The following CTNNA2 variants were observed in gnomAD, a reference collection of about 807,000 sequenced individuals.
CTNNA2 encodes catenin alpha-2.
Under a neutral mutation model 101.0 loss-of-function variants are expected in CTNNA2, and 42 were observed. The ratio of observed to expected loss-of-function variants is 0.42; its 90% confidence interval spans 0.32 to 0.54. CTNNA2 has a LOEUF of 0.54. Ranked by LOEUF, CTNNA2 falls within the 20% of genes least tolerant of loss-of-function variation. The probability of loss-of-function intolerance (pLI) is 0.14; values close to 1 mark genes in which losing one functional copy is unlikely to be tolerated. For missense variants in CTNNA2, 871 were observed against 1,223.1 expected (o/e 0.71, Z 4.29); for synonymous variants, 450 against 456.4 (o/e 0.99, Z 0.18).
chr2:80,060,497 AC>A (rs1229688233), intron 7 of CTNNA2, among the ~76,000 whole-genome samples: 1 of 152,084 alleles, frequency 6.6e-6, no homozygotes, highest in Non-Finnish European at 1.5e-5. Context: ...CCTATTTCTT[AC>A]CATATAAACC....
chr2:80,161,150 G>GA (rs1704291038), intron 7 of CTNNA2, among the ~76,000 whole-genome samples: 1 of 152,054 alleles, frequency 6.6e-6, no homozygotes, highest in Non-Finnish European at 1.5e-5. Flanking sequence ...GGAGTAGCTA[G>GA]AATTACAGGC....
rs376726188 is a variant in CTNNA2 at position 80,456,654 on chromosome 2, C to T, written c.1290+37053C>T. On this transcript the variant is annotated intron_variant, in intron 9 of 18. Transcript: ENST00000402739. ...TGCAAGTTAGGCCCACATTGAAAAC[C>T]CAGGCAATGCATTTTAGCTACATGG... Among the ~76,000 whole-genome samples, 18 of 152,262 alleles carry T rather than the reference C, an allele frequency of 1.2e-4. No individual in the cohort carries two copies. The East Asian group carries it at 2.9e-3, about 25-fold the overall frequency.
At chr2:79,187,235 T>TTTTTCTTTTCTTTTCTTTTC (rs772642908) in intron 1 of CTNNA2, among the ~76,000 whole-genome samples, 1 of 123,412 alleles carries the variant, frequency 8.1e-6, no homozygotes, top group African/African-American at 3.5e-5. Flanking sequence ...AAGACACTTC[T>TTTTTCTTTTCTTTTCTTTTC]TTTTCTTTTC....
At chr2:79,305,907 A>T (rs1676229673) in intron 2 of CTNNA2, among the ~76,000 whole-genome samples, 1 of 152,078 alleles carries the variant, frequency 6.6e-6, no homozygotes. Context: ...TTAGCTGGGC[A>T]TGGTGGCGGG....
intron 7 of CTNNA2, among the ~76,000 whole-genome samples, chr2:80,208,061 T>G (rs1259062124): frequency 6.6e-6 from 1 of 152,168 alleles, no homozygotes; most frequent in East Asian, 1.9e-4. Context: ...AAGTCAGATG[T>G]GTTTCCAGAA....
At chr2:79,369,253 C>T (rs1257185668) in intron 3 of CTNNA2, among the ~76,000 whole-genome samples, 1 of 152,158 alleles carries the variant, frequency 6.6e-6, no homozygotes, top group African/African-American at 2.4e-5. Context: ...TTCAGCATTT[C>T]CTGGGGAGAA....
intron 2 of CTNNA2, among the ~76,000 whole-genome samples, chr2:79,219,782 G>C (rs1437544734): frequency 6.6e-6 from 1 of 152,200 alleles, no homozygotes; most frequent in Admixed American, 6.5e-5. Flanking sequence ...AGGAGAAACA[G>C]TGAGTGCCTG....
intron 7 of CTNNA2, among the ~76,000 whole-genome samples, chr2:80,250,055 T>C (rs1456410015): frequency 6.6e-6 from 1 of 152,068 alleles, no homozygotes; most frequent in Admixed American, 6.5e-5. Context: ...CATTTGCTTC[T>C]TGTTTCTTTG....
chr2:80,570,024 T>C (rs1220997433), intron 12 of CTNNA2, among the ~76,000 whole-genome samples: 2 of 151,988 alleles, frequency 1.3e-5, no homozygotes, highest in African/African-American at 4.8e-5. Flanking sequence ...GGGTCATTGT[T>C]CTATAAACTT....
intron 1 of CTNNA2, among the ~76,000 whole-genome samples, chr2:79,628,605 T>C (rs1180047462): frequency 6.6e-6 from 1 of 152,238 alleles, no homozygotes; most frequent in African/African-American, 2.4e-5. Flanking sequence ...TGAATTATTT[T>C]TTGCTCCATA....
chr2:80,126,475 C>T (rs927774652), intron 7 of CTNNA2, among the ~76,000 whole-genome samples: 1 of 151,966 alleles, frequency 6.6e-6, no homozygotes, highest in Non-Finnish European at 1.5e-5. Flanking sequence ...CTCTCTCTCT[C>T]TCTCTGTCTT....
chr2:80,435,040 A>T (rs989627985), intron 9 of CTNNA2, among the ~76,000 whole-genome samples: 1 of 152,116 alleles, frequency 6.6e-6, no homozygotes, highest in African/African-American at 2.4e-5. Context: ...CTTTGTTGTG[A>T]AGGGTTGTCT....
At chr2:79,536,699 T>TTCTTTTCTTTTCTTC (rs1286083024) in intron 1 of CTNNA2, among the ~76,000 whole-genome samples, 1 of 151,180 alleles carries the variant, frequency 6.6e-6, no homozygotes, top group Non-Finnish European at 1.5e-5. Context: ...TTCTTTTCTT[T>TTCTTTTCTTTTCTTC]TCTTTTCTTT....
At chr2:79,492,655 A>T (rs1256139662) in intron 4 of CTNNA2, among the ~76,000 whole-genome samples, 1 of 152,136 alleles carries the variant, frequency 6.6e-6, no homozygotes, top group African/African-American at 2.4e-5. Context: ...CAAACATATA[A>T]AGAAGTATTA....
intron 7 of CTNNA2, among the ~76,000 whole-genome samples, chr2:80,020,487 A>G (rs1694480583): frequency 6.6e-6 from 1 of 152,186 alleles, no homozygotes; most frequent in African/African-American, 2.4e-5. Flanking sequence ...TTTTCAGTGC[A>G]CCCAGAAATG....
intron 7 of CTNNA2, among the ~76,000 whole-genome samples, chr2:80,130,544 G>T (rs1002571833): frequency 6.6e-6 from 1 of 152,140 alleles, no homozygotes; most frequent in Admixed American, 6.6e-5. Flanking sequence ...TTAGTAAAAA[G>T]ATGCAAGTTA....
intron 4 of CTNNA2, among the ~76,000 whole-genome samples, chr2:79,411,986 G>A (rs766227513): frequency 2.0e-5 from 3 of 152,066 alleles, no homozygotes; most frequent in Non-Finnish European, 4.4e-5. Context: ...TCAGTGTGCT[G>A]TATTCAGGAA....
At chr2:79,374,511 T>C (rs1677942144) in intron 4 of CTNNA2, among the ~76,000 whole-genome samples, 2 of 54,724 alleles carry the variant, frequency 3.7e-5, no homozygotes, top group Admixed American at 3.6e-4. Flanking sequence ...ATTAGAGTAA[T>C]ATATATATAT....
chr2:79,983,885 C>T (rs1327354210), intron 7 of CTNNA2, among the ~76,000 whole-genome samples: 1 of 152,046 alleles, frequency 6.6e-6, no homozygotes, highest in Non-Finnish European at 1.5e-5. Flanking sequence ...CACGTTTATA[C>T]CATGCTCCTG....
Sources: allele counts gnomAD v4.1 joint callset (sites outside exome capture counted in the v4.1 genomes callset), GRCh38; gene constraint gnomAD v4.1.1; transcripts MANE v1.5; gene names NCBI Gene and HGNC (gene_info 2026-07-23, HGNC 2026-07-21).